The following DOCK3 variants were observed in gnomAD, a reference collection of about 807,000 sequenced individuals.
DOCK3 encodes dedicator of cytokinesis 3.
In DOCK3, 60 loss-of-function variants were observed where a neutral mutation model predicts 265.6. That is an observed-to-expected ratio of 0.23 (90% CI 0.18 to 0.28). The LOEUF is 0.28. Ranked by LOEUF, DOCK3 falls within the 10% of genes least tolerant of loss-of-function variation. The pLI is 1.00. For missense variants in DOCK3, 1,981 were observed against 2,594.3 expected, an observed-to-expected ratio of 0.76 and a Z score of 5.14; for synonymous variants, 881 against 938.0, an observed-to-expected ratio of 0.94 and a Z score of 1.11.
chr3:50,710,848 T>A (rs1408019476), intron 1 of DOCK3, among the ~76,000 whole-genome samples: 2 of 152,194 alleles, frequency 1.3e-5, no homozygotes, highest in African/African-American at 4.8e-5. Flanking sequence ...AATAATGGCA[T>A]TTGCAGCAAC....
At chr3:51,238,602 G>A (rs758194932) in intron 21 of DOCK3, among the ~76,000 whole-genome samples, 14 of 151,918 alleles carry the variant, frequency 9.2e-5, no homozygotes, top group Non-Finnish European at 1.5e-4. Flanking sequence ...GATCCTCTCC[G>A]TCCTCCTACC....
intron 2 of DOCK3, among the ~76,000 whole-genome samples, chr3:50,809,594 A>C (rs2043623172): frequency 6.6e-6 from 1 of 152,210 alleles, no homozygotes; most frequent in Non-Finnish European, 1.5e-5. Flanking sequence ...AATACCTATA[A>C]AAATGTTAGT....
At chr3:50,940,238 G>A (rs2108231290) in intron 5 of DOCK3, among the ~76,000 whole-genome samples, 1 of 148,068 alleles carries the variant, frequency 6.8e-6, no homozygotes, top group Admixed American at 6.8e-5. Context: ...GACTGCTTGA[G>A]CCCAGGAGTT....
At chr3:50,920,465 G>A (rs1283126687) in intron 4 of DOCK3, among the ~76,000 whole-genome samples, 3 of 152,092 alleles carry the variant, frequency 2.0e-5, no homozygotes, top group Non-Finnish European at 4.4e-5. Context: ...CTTCTTCCTG[G>A]TTTAGTCTTG....
At chr3:51,315,714 A>G (rs1245279577) in intron 32 of DOCK3, among the ~76,000 whole-genome samples, 1 of 152,162 alleles carries the variant, frequency 6.6e-6, no homozygotes, top group Non-Finnish European at 1.5e-5. Flanking sequence ...AATGATGAGG[A>G]AGCCAATTTT....
In DOCK3 at chr3:50,970,921, AT is replaced by A. The variant is rs1281912094; in HGVS notation, c.315+36845del. Among the ~76,000 whole-genome samples, 11 of 70,598 alleles carry A rather than the reference AT, an allele frequency of 1.6e-4. No homozygotes were observed. In the East Asian group the frequency reaches 3.5e-3, roughly 22 times the overall value. The allele number at this position is 70,598 out of a possible 152,430, so 46.3% of individuals were successfully genotyped here. Reference sequence around the variant, plus strand: ...TATATATATATATATATATATATATATATATATATATATATATATATATATA... The same window carrying A: ...TATATATATATATATATATATATATAATATATATATATATATATATATATA... On this transcript the variant is annotated intron_variant, in intron 5 of 52. Coordinates refer to ENST00000266037, the MANE Select transcript of DOCK3 (RefSeq NM_004947.5).
chr3:51,033,552 T>G (rs146843243), intron 5 of DOCK3, among the ~76,000 whole-genome samples: 1 of 152,358 alleles, frequency 6.6e-6, no homozygotes, highest in East Asian at 1.9e-4. Flanking sequence ...AAATTTCTGT[T>G]GAAAGCTCTG....
chr3:51,331,904 G>C (rs1294968908), intron 33 of DOCK3, among the ~76,000 whole-genome samples: 1 of 152,224 alleles, frequency 6.6e-6, no homozygotes, highest in Non-Finnish European at 1.5e-5. Context: ...TGTCCTCTAG[G>C]ACAGAGACCT....
chr3:50,844,874 G>T (rs2046005966), intron 3 of DOCK3, among the ~76,000 whole-genome samples: 1 of 152,134 alleles, frequency 6.6e-6, no homozygotes, highest in African/African-American at 2.4e-5. Flanking sequence ...TTGAGACATA[G>T]TGTTCTGTTC....
chr3:51,173,353 G>A (rs1426876975), intron 12 of DOCK3, among the ~76,000 whole-genome samples: 8 of 152,180 alleles, frequency 5.3e-5, no homozygotes, highest in African/African-American at 1.7e-4. Flanking sequence ...AAACTCCTGG[G>A]CTCAAGTGAT....
chr3:51,368,110 CA>C (rs1179230285), intron 49 of DOCK3, among the ~76,000 whole-genome samples: 1 of 152,148 alleles, frequency 6.6e-6, no homozygotes, highest in African/African-American at 2.4e-5. Context: ...CCATTCTCCC[CA>C]TCATGAATAG....
In DOCK3 at chr3:51,049,829, C is replaced by CACACACA. The variant is rs377417609; in HGVS notation, c.316-14619_316-14618insACACACA. Among the ~76,000 whole-genome samples the CACACACA allele has an allele frequency of 1.8e-3, 253 of 144,452 alleles. 4 individuals are homozygous for CACACACA. The highest frequency in any genetic ancestry group is 7.0e-3 in the Middle Eastern group (2 of 284). 94.8% of individuals were successfully genotyped at this position (144,452 alleles called of 152,430 possible). ...CACACACACACACACACACACACAC[C>CACACACA]CCAAAAAAACACTGTTAGAACTAAT... is the stretch of plus-strand genomic sequence containing the variant. On this transcript the variant is annotated intron_variant, in intron 5 of 52. Coordinates refer to ENST00000266037, the MANE Select transcript of DOCK3 (RefSeq NM_004947.5).
At chr3:50,925,861 C>T (rs1271776091) in intron 4 of DOCK3, among the ~76,000 whole-genome samples, 1 of 123,888 alleles carries the variant, frequency 8.1e-6, no homozygotes. Flanking sequence ...GACAGAGTCT[C>T]ACTCTGTCGC....
chr3:50,913,513 C>T (rs2049968016), intron 4 of DOCK3, among the ~76,000 whole-genome samples: 1 of 151,990 alleles, frequency 6.6e-6, no homozygotes, highest in South Asian at 2.1e-4. Context: ...GGGCCCAGTT[C>T]AGCACTCACA....
intron 49 of DOCK3, among the ~76,000 whole-genome samples, chr3:51,373,874 G>A (rs559818840): frequency 6.6e-6 from 1 of 152,330 alleles, no homozygotes; most frequent in East Asian, 1.9e-4. Context: ...GCTGCAGTAG[G>A]ACTGGCAGGA....
chr3:50,681,483 A>G (rs1420159859), intron 1 of DOCK3, among the ~76,000 whole-genome samples: 1 of 152,218 alleles, frequency 6.6e-6, no homozygotes, highest in Non-Finnish European at 1.5e-5. Context: ...TGTAATGAAC[A>G]AGCCAAACCT....
chr3:51,356,657 T>C (rs1440761797), intron 43 of DOCK3, among the ~76,000 whole-genome samples, 164 bp downstream of exon 43: 2 of 152,122 alleles, frequency 1.3e-5, no homozygotes, highest in African/African-American at 4.8e-5. Flanking sequence ...CCTTCTCTTA[T>C]CTAATCCATA....
intron 5 of DOCK3, among the ~76,000 whole-genome samples, chr3:51,024,471 G>T (rs185743757): frequency 2.0e-5 from 3 of 152,128 alleles, no homozygotes; most frequent in African/African-American, 7.2e-5. Context: ...GAAGGTAACT[G>T]GGGGGTCAGG....
At chr3:50,846,567 T>TTAAGTAAG (rs1296724383) in intron 3 of DOCK3, among the ~76,000 whole-genome samples, 13 of 152,164 alleles carry the variant, frequency 8.5e-5, no homozygotes, top group Non-Finnish European at 1.3e-4. Flanking sequence ...TTGGAATAGT[T>TTAAGTAAG]TCAGTAAGAT....
Sources: gnomAD v4.1 joint callset for allele counts (sites outside exome capture counted in the v4.1 genomes callset) on GRCh38, gnomAD v4.1.1 for gene constraint, MANE v1.5 for transcripts, NCBI Gene and HGNC (gene_info 2026-07-23, HGNC 2026-07-21) for gene names.